The following OSBPL10 variants were observed in gnomAD, a reference collection of about 807,000 sequenced individuals.
OSBPL10 encodes the protein oxysterol binding protein like 10.
Under a neutral mutation model 81.7 loss-of-function variants are expected in OSBPL10, and 49 were observed. The ratio of observed to expected loss-of-function variants is 0.60; its 90% CI spans 0.48 to 0.76. OSBPL10 has a LOEUF of 0.76. Ranked by LOEUF, OSBPL10 falls within the 30% of genes least tolerant of loss-of-function variation. The pLI is 0.00. For synonymous variants in OSBPL10, 419 were observed against 383.6 expected (o/e 1.09, Z -1.08); for missense variants, 923 against 987.8 (o/e 0.93, Z 0.88).
intron 1 of OSBPL10, among the ~76,000 whole-genome samples, chr3:31,941,325 T>C (rs759947574): frequency 6.6e-6 from 1 of 151,834 alleles, no homozygotes; most frequent in Non-Finnish European, 1.5e-5. Flanking sequence ...AAAAGGAAAA[T>C]GAAAGTCTTA....
At chr3:31,798,149 G>A (rs1029005704) in intron 4 of OSBPL10, among the ~76,000 whole-genome samples, 1 of 152,164 alleles carries the variant, frequency 6.6e-6, no homozygotes, top group Non-Finnish European at 1.5e-5. Flanking sequence ...TGCACATGGA[G>A]GCCAGGCGCA....
intron 1 of OSBPL10, among the ~76,000 whole-genome samples, chr3:31,954,469 C>T (rs538678755): frequency 1.3e-4 from 20 of 152,170 alleles, no homozygotes; most frequent in Non-Finnish European, 2.4e-4. Context: ...TAAGACACAA[C>T]GACATAAATG....
intron 9 of OSBPL10, among the ~76,000 whole-genome samples, chr3:31,670,074 G>A (rs901882063): frequency 2.0e-5 from 3 of 152,202 alleles, no homozygotes; most frequent in South Asian, 2.1e-4. Flanking sequence ...AGCACTGAAC[G>A]TGAAGTACAC....
intron 1 of OSBPL10, among the ~76,000 whole-genome samples, chr3:31,937,748 T>TGGAA (rs1263598114): frequency 6.6e-6 from 1 of 152,232 alleles, no homozygotes; most frequent in African/African-American, 2.4e-5. Context: ...GAACTCTTGA[T>TGGAA]GGAAGCACAT....
intron 11 of OSBPL10, chr3:31,663,099 C>CAG (rs1278597286): frequency 1.0e-6 from 1 of 985,342 alleles, no homozygotes; most frequent in East Asian, 1.1e-4. Context: ...GTTGCCCTAA[C>CAG]TCACTTCTCA....
At chr3:31,863,625 C>A (rs1291048622) in intron 3 of OSBPL10, among the ~76,000 whole-genome samples, 2 of 152,164 alleles carry the variant, frequency 1.3e-5, no homozygotes, top group African/African-American at 2.4e-5. Context: ...ATAGTATCTG[C>A]CACAAAGCAA....
intron 1 of OSBPL10, among the ~76,000 whole-genome samples, chr3:31,919,875 T>C (rs1696863036): frequency 6.6e-6 from 1 of 152,214 alleles, no homozygotes; most frequent in African/African-American, 2.4e-5. Flanking sequence ...TATTAGAGGA[T>C]AATGGCACTA....
chr3:31,931,148 G>T (rs2125720973), intron 1 of OSBPL10, among the ~76,000 whole-genome samples: 1 of 151,838 alleles, frequency 6.6e-6, no homozygotes, highest in African/African-American at 2.4e-5. Flanking sequence ...TGGAGAGGGA[G>T]ACCGAGAGAC....
intron 3 of OSBPL10, among the ~76,000 whole-genome samples, chr3:31,830,509 G>A (rs931601609): frequency 1.3e-5 from 2 of 151,910 alleles, no homozygotes; most frequent in African/African-American, 2.4e-5. Context: ...CACCGTCCCC[G>A]ACCCACACAC....
intron 4 of OSBPL10, among the ~76,000 whole-genome samples, chr3:31,753,092 C>T (rs963496668): frequency 1.1e-4 from 17 of 152,208 alleles, no homozygotes; most frequent in African/African-American, 4.1e-4. Context: ...CTGCTAAGTT[C>T]CCCTCTGAGT....
Position 31,702,298 on chromosome 3 carries a change from C to A in OSBPL10, c.1245+61G>T, listed in dbSNP as rs200425556. 4.2e-4 allele frequency: 655 copies of A among 1,573,472 alleles called. 1 individual carries two copies. The Middle Eastern group carries it at 4.2e-3, about 10-fold the overall frequency. ...ACGAAAAGAATGTGCATAGAGAAGG[C>A]TTGAGGATAGAGACAGAACCCCAAC... On this transcript the variant is annotated intron_variant, in intron 7 of 11. Transcript: ENST00000396556.
chr3:31,949,569 G>A (rs943398822), intron 1 of OSBPL10, among the ~76,000 whole-genome samples: 1 of 149,548 alleles, frequency 6.7e-6, no homozygotes, highest in Admixed American at 6.7e-5. Flanking sequence ...TTGGGAGGCT[G>A]AGGCAGGAGA....
In OSBPL10 at chr3:31,683,975, TA is replaced by T. The variant is rs1271764424; in HGVS notation, c.1384del (p.Tyr462IlefsTer13). 1.2e-6 allele frequency: 2 copies of T among 1,614,202 alleles called. No homozygotes were observed. Among genetic ancestry groups the T allele is most frequent in the African/African-American group, 2.7e-5 (2 of 75,046 alleles). On this transcript the variant is annotated frameshift_variant, in exon 8 of 12. Coordinates refer to ENST00000396556, the MANE Select transcript of OSBPL10 (RefSeq NM_017784.5). LOFTEE classifies it high-confidence loss of function. ...EERVICFVEYYLTAFHEGRKG... is the reference protein window; with the variant it reads ...EERVICFVEYXLTAFHEGRKG... Reference sequence around the variant, plus strand: ...GCGGCCCTCGTGAAAGGCTGTGAGATAATACTCAACGAAGCAAATGACTCTC... The same window carrying T: ...GCGGCCCTCGTGAAAGGCTGTGAGATATACTCAACGAAGCAAATGACTCTC...
At chr3:31,672,703 G>A (rs1700356576) in intron 8 of OSBPL10, among the ~76,000 whole-genome samples, 1 of 152,108 alleles carries the variant, frequency 6.6e-6, no homozygotes, top group Non-Finnish European at 1.5e-5. Flanking sequence ...GTCCATTAAA[G>A]TCAGTTTTCC....
intron 1 of OSBPL10, among the ~76,000 whole-genome samples, chr3:31,941,377 AG>A (rs1371033458): frequency 1.3e-5 from 2 of 152,212 alleles, no homozygotes; most frequent in East Asian, 3.8e-4. Context: ...TCCTGAGCAA[AG>A]GGAAGACTCT....
At chr3:31,903,258 A>C (rs1696304530) in intron 1 of OSBPL10, among the ~76,000 whole-genome samples, 1 of 152,098 alleles carries the variant, frequency 6.6e-6, no homozygotes, top group African/African-American at 2.4e-5. Flanking sequence ...AGAGAAACTA[A>C]TAATTGCTAA....
In OSBPL10 at chr3:31,668,712, C is replaced by T. The variant is rs772605681; in HGVS notation, c.2026G>A (p.Asp676Asn). Reference protein sequence around the residue: ...TYNNGETKVIDTTTLPVYPKK... With the variant: ...TYNNGETKVINTTTLPVYPKK... ...GGATACACTGGCAGTGTGGTTGTGT[C>T]GATGACTTTGGTTTCTCCATTGTTG... The change falls in exon 10 of 12, where the codon GAC becomes AAC. Residue 676 changes from aspartate to asparagine, a missense_variant. By Grantham distance (23) the Asp-to-Asn change is conservative. Transcript: ENST00000396556. The T allele has an allele frequency of 9.9e-6, 16 of 1,614,096 alleles. No individual in the cohort carries two copies. Among genetic ancestry groups the T allele is most frequent in the South Asian group, 6.6e-5 (6 of 91,060 alleles).
At chr3:31,922,238 T>A (rs1208630218) in intron 1 of OSBPL10, among the ~76,000 whole-genome samples, 1 of 152,236 alleles carries the variant, frequency 6.6e-6, no homozygotes, top group African/African-American at 2.4e-5. Context: ...AATGGTAATG[T>A]AACCACATAA....
chr3:31,813,564 C>T (rs116247437), intron 4 of OSBPL10, among the ~76,000 whole-genome samples: 6,345 of 152,308 alleles, frequency 0.042, 170 homozygotes, highest in Non-Finnish European at 0.06. Flanking sequence ...CCAGAAATTA[C>T]ATGTAAAGTA....
Sources: allele counts gnomAD v4.1 joint callset (sites outside exome capture counted in the v4.1 genomes callset), GRCh38; gene constraint gnomAD v4.1.1; transcripts MANE v1.5; gene names NCBI Gene and HGNC (gene_info 2026-07-23, HGNC 2026-07-21).